The following MINDY4 variants were observed in gnomAD, a reference collection of about 807,000 sequenced individuals.
The protein encoded by MINDY4 is probable ubiquitin carboxyl-terminal hydrolase MINDY-4.
A neutral mutation model predicts 87.0 loss-of-function variants in MINDY4; 68 were observed. The observed-to-expected ratio is 0.78, with a 90% CI of 0.64 to 0.96. MINDY4 has a LOEUF of 0.96. Among genes scored for constraint, MINDY4 ranks in the 40% least tolerant of loss-of-function variants. The pLI is 0.00. For missense variants in MINDY4, 919 were observed against 928.2 expected, an observed-to-expected ratio of 0.99 and a Z score of 0.13; for synonymous variants, 379 against 363.2, an observed-to-expected ratio of 1.04 and a Z score of -0.50.
intron 1 of MINDY4, among the ~76,000 whole-genome samples, chr7:30,778,041 T>C (rs935163653): frequency 6.6e-6 from 1 of 152,198 alleles, no homozygotes; most frequent in African/African-American, 2.4e-5. Context: ...GATTCCATTG[T>C]GTTACATTGG....
intron 5 of MINDY4, among the ~76,000 whole-genome samples, chr7:30,814,468 T>G (rs986129558): frequency 2.6e-5 from 4 of 152,230 alleles, no homozygotes; most frequent in African/African-American, 9.6e-5. Flanking sequence ...CATGGACCTG[T>G]GTGTCCTGGA....
rs1360013277 is a variant in MINDY4, at chr7:30,791,471, A to G, written c.970A>G (p.Arg324Gly). 1 of 1,614,044 alleles carries G rather than the reference A, an allele frequency of 6.2e-7. No homozygotes were observed. Among genetic ancestry groups the G allele is most frequent in the South Asian group, 1.1e-5 (1 of 91,084 alleles). The change falls in exon 5 of 18, where the codon AGG becomes GGG. Residue 324 changes from arginine (R) to glycine (G), a missense_variant. Coordinates refer to ENST00000265299, the MANE Select transcript of MINDY4 (RefSeq NM_032222.3). ...AGTGGACGGCAGCACAGACACGGAC[A>G]GGATGCCCTTGAAGCTCTACTTGCC... The part of the protein sequence containing the change: ...PAVDGSTDTD[R>G]MPLKLYLPGG...
At chr7:30,780,464 A>G (rs954396381) in intron 2 of MINDY4, 1 of 152,206 alleles carries the variant, frequency 6.6e-6, no homozygotes, top group Non-Finnish European at 1.5e-5. Context: ...GATACTTAAG[A>G]TATTTTCATG....
chr7:30,891,138 A>T (rs992101637), intron 17 of MINDY4, among the ~76,000 whole-genome samples: 3 of 152,204 alleles, frequency 2.0e-5, no homozygotes, highest in Admixed American at 2.0e-4. Flanking sequence ...GCTGTGAGAT[A>T]TTCAACATCT....
chr7:30,872,829 G>T (rs145268990), intron 14 of MINDY4, among the ~76,000 whole-genome samples: 3 of 152,234 alleles, frequency 2.0e-5, no homozygotes, highest in African/African-American at 7.2e-5. Context: ...TCACCCAGGT[G>T]ACACCAGGGA....
chr7:30,887,439 G>A (rs1790665290), intron 17 of MINDY4, among the ~76,000 whole-genome samples: 1 of 152,264 alleles, frequency 6.6e-6, no homozygotes, highest in Admixed American at 6.5e-5. Context: ...GAGAAGAGCT[G>A]TGGAAGCACT....
intron 6 of MINDY4, among the ~76,000 whole-genome samples, chr7:30,831,083 G>A (rs969175625): frequency 6.6e-6 from 1 of 152,110 alleles, no homozygotes; most frequent in Non-Finnish European, 1.5e-5. Context: ...TAGACTTTAG[G>A]GATACAAGCT....
At chr7:30,839,408 C>T in intron 8 of MINDY4, 92 bp downstream of exon 8, 2 of 730,654 alleles carry the variant, frequency 2.7e-6, no homozygotes, top group East Asian at 5.4e-5. Flanking sequence ...ATCCTGTGAG[C>T]ATTAGCTGAG....
intron 5 of MINDY4, among the ~76,000 whole-genome samples, chr7:30,822,810 A>ATT (rs759442726): frequency 7.1e-6 from 1 of 140,780 alleles, no homozygotes; most frequent in Non-Finnish European, 1.6e-5. Flanking sequence ...TAATTTTTGA[A>ATT]TTTTTTTTTT....
intron 5 of MINDY4, among the ~76,000 whole-genome samples, chr7:30,827,966 A>T (rs1419583302): frequency 6.6e-6 from 1 of 152,222 alleles, no homozygotes; most frequent in Non-Finnish European, 1.5e-5. Context: ...TTTTTAATAC[A>T]TTCTGTTTAG....
At chr7:30,792,043 A>T (rs1787341148) in intron 5 of MINDY4, among the ~76,000 whole-genome samples, 1 of 152,220 alleles carries the variant, frequency 6.6e-6, no homozygotes, top group African/African-American at 2.4e-5. Context: ...GGCCAGGCAG[A>T]CGTGGCTAAG....
chr7:30,869,695 A>G (rs774374351), intron 13 of MINDY4, among the ~76,000 whole-genome samples: 1 of 151,796 alleles, frequency 6.6e-6, no homozygotes, highest in Non-Finnish European at 1.5e-5. Flanking sequence ...TAAGTTAGTC[A>G]CCCCTTGAAA....
intron 13 of MINDY4, among the ~76,000 whole-genome samples, chr7:30,866,886 T>C (rs552786204): frequency 6.6e-6 from 1 of 152,248 alleles, no homozygotes; most frequent in African/African-American, 2.4e-5. Flanking sequence ...TGCAGGTCCC[T>C]CTTTTTCCGT....
chr7:30,882,457 A>C, intron 16 of MINDY4, 96 bp downstream of exon 16: 25 of 1,016,716 alleles, frequency 2.5e-5, no homozygotes, highest in South Asian at 3.4e-5. Flanking sequence ...ACCAACCCCC[A>C]TGACAGAGAG....
At chr7:30,795,178 C>T (rs908816712) in intron 5 of MINDY4, among the ~76,000 whole-genome samples, 1 of 152,180 alleles carries the variant, frequency 6.6e-6, no homozygotes, top group Non-Finnish European at 1.5e-5. Context: ...GCCACATGGA[C>T]ACTCCTACAG....
intron 5 of MINDY4, among the ~76,000 whole-genome samples, chr7:30,792,995 T>TA (rs1413908653): frequency 6.6e-6 from 1 of 151,288 alleles, no homozygotes; most frequent in African/African-American, 2.4e-5. Flanking sequence ...CGTAAGTTAA[T>TA]ACGTTACATA....
chr7:30,804,831 A>T (rs1787758754), intron 5 of MINDY4, among the ~76,000 whole-genome samples: 1 of 152,118 alleles, frequency 6.6e-6, no homozygotes, highest in Non-Finnish European at 1.5e-5. Context: ...GGGGAAGAGG[A>T]CTGTTGAGAG....
intron 5 of MINDY4, among the ~76,000 whole-genome samples, chr7:30,817,015 A>G (rs954729093): frequency 1.1e-4 from 16 of 152,188 alleles, no homozygotes; most frequent in African/African-American, 2.9e-4. Flanking sequence ...CGATAACCCA[A>G]CCCTTCATGA....
At chr7:30,795,386 T>C (rs1787457852) in intron 5 of MINDY4, among the ~76,000 whole-genome samples, 1 of 152,144 alleles carries the variant, frequency 6.6e-6, no homozygotes, top group Non-Finnish European at 1.5e-5. Context: ...CACTGACATC[T>C]AAGGGTCAGG....
Sources: allele counts gnomAD v4.1 joint callset (sites outside exome capture counted in the v4.1 genomes callset), GRCh38; gene constraint gnomAD v4.1.1; transcripts MANE v1.5; gene names NCBI Gene and HGNC (gene_info 2026-07-23, HGNC 2026-07-21).